The following PTPRO variants were observed in gnomAD, a reference collection of about 807,000 sequenced individuals.
The protein encoded by PTPRO is receptor-type tyrosine-protein phosphatase O.
In PTPRO, 62 loss-of-function variants were observed where a neutral mutation model predicts 145.2. That is an observed-to-expected ratio of 0.43 (90% CI 0.35 to 0.53). The LOEUF is 0.53. Among genes scored for constraint, PTPRO ranks in the 20% least tolerant of loss-of-function variants. The pLI, the probability that PTPRO is intolerant of heterozygous loss-of-function variation, is 0.01. For missense variants in PTPRO, 1,345 were observed against 1,482.7 expected, an observed-to-expected ratio of 0.91 and a Z score of 1.53; for synonymous variants, 565 against 514.7, an observed-to-expected ratio of 1.10 and a Z score of -1.32.
At chr12:15,407,603 T>A (rs1015500139) in intron 1 of PTPRO, among the ~76,000 whole-genome samples, 1 of 148,708 alleles carries the variant, frequency 6.7e-6, no homozygotes, top group Non-Finnish European at 1.5e-5. Flanking sequence ...AACCAGCTTA[T>A]GTACTATATA....
chr12:15,325,587 G>T (rs1403327842), intron 1 of PTPRO, among the ~76,000 whole-genome samples: 1 of 152,114 alleles, frequency 6.6e-6, no homozygotes, highest in African/African-American at 2.4e-5. Flanking sequence ...TTATATTGAA[G>T]GCTACTAATT....
intron 1 of PTPRO, among the ~76,000 whole-genome samples, chr12:15,429,364 G>A (rs4628730): frequency 0.45 from 68,786 of 152,000 alleles, 16,780 homozygotes; most frequent in South Asian, 0.61. Flanking sequence ...CATGTTCTGA[G>A]AATGTGTCAC....
chr12:15,525,969 G>C (rs188081817), intron 11 of PTPRO, among the ~76,000 whole-genome samples, 173 bp from the exon 12 acceptor site: 132 of 152,286 alleles, frequency 8.7e-4, no homozygotes, highest in African/African-American at 2.9e-3. Flanking sequence ...ATTGGGCCCA[G>C]CTGAGGAATT....
At chr12:15,527,384 A>G (rs754286420) in intron 12 of PTPRO, among the ~76,000 whole-genome samples, 2 of 152,218 alleles carry the variant, frequency 1.3e-5, no homozygotes, top group Non-Finnish European at 2.9e-5. Flanking sequence ...GCTCCCTGGC[A>G]GGAAATCTGT....
At chr12:15,324,843 CAG>C (rs1022371013) in intron 1 of PTPRO, among the ~76,000 whole-genome samples, 9 of 152,064 alleles carry the variant, frequency 5.9e-5, no homozygotes, top group Non-Finnish European at 1.3e-4. Context: ...ATTGGGCACA[CAG>C]TGTAATATCT....
chr12:15,465,831 C>G (rs1048934997), intron 1 of PTPRO, among the ~76,000 whole-genome samples: 1 of 152,020 alleles, frequency 6.6e-6, no homozygotes, highest in Non-Finnish European at 1.5e-5. Flanking sequence ...AAATAGGGGA[C>G]TAATTGTGGA....
Position 15,516,992 on chromosome 12 carries a change from T to C in PTPRO, c.1779+36T>C, listed in dbSNP as rs771621588. ...CTTAACCAACTGTCAGTCTTTCCTA[T>C]GGGAACAGGCAAACCTTTATGTACC... On this transcript the variant is annotated intron_variant, in intron 9 of 26. Coordinates refer to ENST00000281171, the MANE Select transcript of PTPRO (RefSeq NM_030667.3). 1.5e-5 allele frequency: 24 copies of C among 1,560,950 alleles called. No individual in the cohort carries two copies. The East Asian group carries it at 3.8e-4, about 25-fold the overall frequency.
At chr12:15,582,225 C>T (rs187336890) in intron 23 of PTPRO, among the ~76,000 whole-genome samples, 2 of 152,330 alleles carry the variant, frequency 1.3e-5, no homozygotes, top group East Asian at 3.9e-4. Flanking sequence ...AACCGACAAC[C>T]TTCAGCATGG....
chr12:15,440,289 G>A (rs535587098), intron 1 of PTPRO: 36 of 569,476 alleles, frequency 6.3e-5, no homozygotes, highest in Admixed American at 1.6e-4. Context: ...CCCAACCTCC[G>A]GAAGGAGACT....
At chr12:15,556,878 T>A (rs1943641626) in intron 15 of PTPRO, among the ~76,000 whole-genome samples, 1 of 152,214 alleles carries the variant, frequency 6.6e-6, no homozygotes, top group Non-Finnish European at 1.5e-5. Context: ...GAATCATGAA[T>A]GCCCTTTGGA....
At chr12:15,347,088 C>T (rs1424793708) in intron 1 of PTPRO, among the ~76,000 whole-genome samples, 1 of 152,166 alleles carries the variant, frequency 6.6e-6, no homozygotes, top group Non-Finnish European at 1.5e-5. Context: ...CAGGTCTCAG[C>T]TAAGATGATA....
intron 1 of PTPRO, among the ~76,000 whole-genome samples, chr12:15,355,881 G>A (rs1937971228): frequency 6.6e-6 from 1 of 152,204 alleles, no homozygotes; most frequent in African/African-American, 2.4e-5. Context: ...AAGGAGAACA[G>A]CCATATAATT....
At position 15,376,699 on chromosome 12, in the gene PTPRO, T is replaced by G. The variant is rs188980513; in HGVS notation, c.75+53898T>G. Among the ~76,000 whole-genome samples, 11 of 152,282 alleles carry G rather than the reference T, an allele frequency of 7.2e-5. 1 individual carries two copies. Among genetic ancestry groups the G allele is most frequent in the Admixed American group, 7.2e-4 (11 of 15,286 alleles). On this transcript the variant is annotated intron_variant, in intron 1 of 26. Transcript: ENST00000281171. ...TGGTAGGGTCCCACTTACTAGTTTATAGACAGCTATCTTCTTGCTGTGTCC... is the reference window on the plus strand; with the variant it reads ...TGGTAGGGTCCCACTTACTAGTTTAGAGACAGCTATCTTCTTGCTGTGTCC...
At chr12:15,358,028 C>T (rs1339347821) in intron 1 of PTPRO, among the ~76,000 whole-genome samples, 2 of 151,436 alleles carry the variant, frequency 1.3e-5, no homozygotes, top group Non-Finnish European at 2.9e-5. Flanking sequence ...AAATGTGGCA[C>T]ATATACACCA....
intron 1 of PTPRO, among the ~76,000 whole-genome samples, chr12:15,408,424 C>A (rs1456289860): frequency 6.6e-6 from 1 of 151,608 alleles, no homozygotes; most frequent in African/African-American, 2.4e-5. Context: ...TTTTTGTTTT[C>A]GTTGTTGTTG....
At chr12:15,396,601 T>C (rs1224144066) in intron 1 of PTPRO, among the ~76,000 whole-genome samples, 1 of 152,196 alleles carries the variant, frequency 6.6e-6, no homozygotes, top group Non-Finnish European at 1.5e-5. Flanking sequence ...GAATTCTTCA[T>C]TGAACAAGGA....
At chr12:15,592,776 A>G (rs1944580298) in intron 25 of PTPRO, among the ~76,000 whole-genome samples, 1 of 152,216 alleles carries the variant, frequency 6.6e-6, no homozygotes, top group Non-Finnish European at 1.5e-5. Context: ...TATAACCTAG[A>G]TAAGTGATTT....
intron 1 of PTPRO, among the ~76,000 whole-genome samples, chr12:15,379,035 C>T (rs1938773598): frequency 1.3e-5 from 2 of 151,864 alleles, no homozygotes; most frequent in African/African-American, 2.4e-5. Context: ...AATTAAAAGC[C>T]CTGGTAATAA....
intron 1 of PTPRO, chr12:15,439,683 G>A (rs976039323): frequency 1.3e-5 from 6 of 448,738 alleles, no homozygotes; most frequent in South Asian, 8.6e-5. Flanking sequence ...GCTCACTGAG[G>A]CAAGGCCGAG....
Sources: gnomAD v4.1 joint callset for allele counts (sites outside exome capture counted in the v4.1 genomes callset) on GRCh38, gnomAD v4.1.1 for gene constraint, MANE v1.5 for transcripts, NCBI Gene and HGNC (gene_info 2026-07-23, HGNC 2026-07-21) for gene names.